FAM47E: variants seen among roughly 807,000 people sequenced by gnomAD.
FAM47E encodes the protein protein FAM47E.
Under a neutral mutation model 41.6 loss-of-function variants are expected in FAM47E, and 32 were observed. The observed-to-expected ratio is 0.77, with a 90% CI of 0.58 to 1.03. FAM47E has a LOEUF of 1.03. Ranked by LOEUF, FAM47E falls within the 50% of genes least tolerant of loss-of-function variation. FAM47E has a pLI of 0.00. For synonymous variants in FAM47E, 184 were observed against 188.7 expected, an observed-to-expected ratio of 0.98 and a Z score of 0.20; for missense variants, 424 against 485.4, an observed-to-expected ratio of 0.87 and a Z score of 1.19.
intron 2 of FAM47E, among the ~76,000 whole-genome samples, chr4:76,220,979 T>G (rs1733296323): frequency 6.6e-6 from 1 of 152,138 alleles, no homozygotes; most frequent in African/African-American, 2.4e-5. Context: ...TGGTCCTCTT[T>G]ATTTCCCCAT....
At chr4:76,217,896 C>A (rs1357190347) in intron 2 of FAM47E, among the ~76,000 whole-genome samples, 10 of 152,160 alleles carry the variant, frequency 6.6e-5, no homozygotes, top group African/African-American at 2.4e-4. Flanking sequence ...ACTCTAAGGG[C>A]TATCGAGGGG....
At chr4:76,243,707 T>G (rs1733760013) in intron 2 of FAM47E, among the ~76,000 whole-genome samples, 1 of 152,220 alleles carries the variant, frequency 6.6e-6, no homozygotes, top group Non-Finnish European at 1.5e-5. Flanking sequence ...ATTCTTTTTA[T>G]GTTTTTTTGT....
At chr4:76,254,170 G>C (rs1486098557) in intron 1 of FAM47E, among the ~76,000 whole-genome samples, 4 of 150,528 alleles carry the variant, frequency 2.7e-5, no homozygotes, top group African/African-American at 9.8e-5. Context: ...GAAGAAAGTA[G>C]ACTGGATTTC....
At chr4:76,247,514 C>T (rs139295122), upstream of FAM47E, among the ~76,000 whole-genome samples, 957 of 152,242 alleles carry the variant, frequency 6.3e-3, 10 homozygotes, top group African/African-American at 0.021. Context: ...GACTGCCAAA[C>T]TATTTTCCAC....
intron 2 of FAM47E, among the ~76,000 whole-genome samples, chr4:76,246,113 G>A (rs1165332137): frequency 3.3e-5 from 5 of 152,168 alleles, no homozygotes; most frequent in African/African-American, 1.2e-4. Context: ...TGAGGGAGAA[G>A]GTTGACAGTA....
At chr4:76,257,958 G>A (rs1459890614) in intron 2 of FAM47E, among the ~76,000 whole-genome samples, 2 of 151,750 alleles carry the variant, frequency 1.3e-5, no homozygotes, top group South Asian at 2.1e-4. Flanking sequence ...ATCGGTGGGA[G>A]AGAAGTCTAC....
chr4:76,235,049 G>T (rs1424003236), intron 2 of FAM47E, among the ~76,000 whole-genome samples: 2 of 152,172 alleles, frequency 1.3e-5, no homozygotes, highest in Non-Finnish European at 2.9e-5. Context: ...CGGTCGCGGT[G>T]GCTCACACCT....
chr4:76,256,639 T>A (rs1328848101), intron 2 of FAM47E, 116 bp downstream of exon 2: 1 of 1,262,604 alleles, frequency 7.9e-7, no homozygotes, highest in East Asian at 2.6e-5. Context: ...GAGTGATGAA[T>A]GTCTCCCCCA....
At chr4:76,227,983 T>C (rs1733427663) in intron 2 of FAM47E, among the ~76,000 whole-genome samples, 1 of 152,238 alleles carries the variant, frequency 6.6e-6, no homozygotes, top group South Asian at 2.1e-4. Flanking sequence ...TTATCTATTC[T>C]GCCATTCTGT....
intron 5 of FAM47E, among the ~76,000 whole-genome samples, chr4:76,273,123 TATG>T (rs1443223814): frequency 1.3e-5 from 2 of 152,194 alleles, no homozygotes; most frequent in Admixed American, 6.5e-5. Flanking sequence ...CGTTTTTTGA[TATG>T]ATAACAGGCG....
chr4:76,277,054 G>T (rs999182015), intron 5 of FAM47E, among the ~76,000 whole-genome samples: 1 of 152,192 alleles, frequency 6.6e-6, no homozygotes, highest in Non-Finnish European at 1.5e-5. Context: ...TGGTGAGACA[G>T]TGTGGGTATT....
At chr4:76,256,974 A>T (rs1257950478) in intron 2 of FAM47E, among the ~76,000 whole-genome samples, 2 of 152,164 alleles carry the variant, frequency 1.3e-5, no homozygotes, top group Non-Finnish European at 2.9e-5. Flanking sequence ...GTCATGGGGA[A>T]AATCCTCCTA....
intron 2 of FAM47E, among the ~76,000 whole-genome samples, chr4:76,227,190 T>C (rs1462382204): frequency 6.6e-6 from 1 of 152,214 alleles, no homozygotes; most frequent in Admixed American, 6.5e-5. Context: ...TTAGCACCAC[T>C]TTTGCTGTGT....
intron 2 of FAM47E, chr4:76,234,468 G>C (rs1733549399): frequency 6.6e-6 from 1 of 152,208 alleles, no homozygotes; most frequent in Admixed American, 6.5e-5. Context: ...GGAAGAAACA[G>C]GGACTCTTGC....
chr4:76,215,897 ATTG>A (rs1448166465), intron 1 of FAM47E, among the ~76,000 whole-genome samples: 1 of 152,042 alleles, frequency 6.6e-6, no homozygotes. Context: ...AAAATAAAGG[ATTG>A]TTGTTGTTTA....
chr4:76,271,950 A>G (rs1296432726), intron 5 of FAM47E, among the ~76,000 whole-genome samples, 182 bp downstream of exon 5: 2 of 152,194 alleles, frequency 1.3e-5, no homozygotes, highest in Non-Finnish European at 2.9e-5. Context: ...AGTCAGTTAT[A>G]CAAATGAGGC....
At chr4:76,271,872 G>T (rs1359587731) in intron 5 of FAM47E, 104 bp downstream of exon 5, 1 of 1,303,510 alleles carries the variant, frequency 7.7e-7, no homozygotes, top group African/African-American at 1.5e-5. Flanking sequence ...GTTTTTTAAA[G>T]TAGAATTCTG....
chr4:76,234,922 C>CA (rs1371471509), intron 2 of FAM47E, among the ~76,000 whole-genome samples: 1 of 151,744 alleles, frequency 6.6e-6, no homozygotes. Flanking sequence ...CTCTGTCTCT[C>CA]AAAAAAAATT....
rs72858539 is a variant in FAM47E, at chr4:76,235,567, A to T, written c.81+17879A>T. On this transcript the variant is annotated intron_variant, in intron 2 of 7. Coordinates refer to the FAM47E transcript ENST00000510197. ...AAACCTGGAAAAATCTCAGATAATA[A>T]TTAACTTGTCCAAGATCATGAAGCT... is the stretch of plus-strand genomic sequence containing the variant. 9.5e-3 allele frequency among the ~76,000 whole-genome samples: 1,445 copies of T among 152,308 alleles called. 25 individuals are homozygous for T. The highest frequency in any genetic ancestry group is 0.033 in the African/African-American group (1,371 of 41,556).
Sources: gnomAD v4.1 joint callset for allele counts (sites outside exome capture counted in the v4.1 genomes callset) on GRCh38, gnomAD v4.1.1 for gene constraint, MANE v1.5 for transcripts, NCBI Gene and HGNC (gene_info 2026-07-23, HGNC 2026-07-21) for gene names.